The following ADGRL4 variants were observed in gnomAD, a reference collection of about 807,000 sequenced individuals.
The protein encoded by ADGRL4 is adhesion G protein-coupled receptor L4.
In ADGRL4, 90 loss-of-function variants were observed where a neutral mutation model predicts 74.8. The ratio of observed to expected loss-of-function variants is 1.20; its 90% CI spans 1.02 to 1.43. The LOEUF is 1.43. ADGRL4 is among the 40% of genes most tolerant of loss of function. The pLI is 0.00. For missense variants in ADGRL4, 881 were observed against 814.3 expected (o/e 1.08, Z -1.00); for synonymous variants, 311 against 279.2 (o/e 1.11, Z -1.14).
intron 12 of ADGRL4, among the ~76,000 whole-genome samples, chr1:78,899,602 A>C (rs1335658866): frequency 6.6e-6 from 1 of 152,130 alleles, no homozygotes; most frequent in South Asian, 2.1e-4. Context: ...CGATCTGTCC[A>C]CCTAGGTCTC....
chr1:78,911,614 AACACACACACAC>A (rs34707725), intron 12 of ADGRL4, among the ~76,000 whole-genome samples: 36 of 150,054 alleles, frequency 2.4e-4, no homozygotes, highest in African/African-American at 8.0e-4. Flanking sequence ...TCAAGATCTA[AACACACACACAC>A]ACACACACAC....
intron 3 of ADGRL4, among the ~76,000 whole-genome samples, chr1:78,943,996 AT>A (rs1649544718): frequency 6.6e-6 from 1 of 152,176 alleles, no homozygotes; most frequent in Non-Finnish European, 1.5e-5. Context: ...CACAATAGAA[AT>A]TGAGTATCAA....
At chr1:78,924,984 G>A (rs1001130207) in intron 8 of ADGRL4, among the ~76,000 whole-genome samples, 1 of 152,042 alleles carries the variant, frequency 6.6e-6, no homozygotes, top group African/African-American at 2.4e-5. Context: ...TTTGGTTGAA[G>A]ATGATACAGT....
chr1:78,968,317 T>A (rs1035714450), intron 2 of ADGRL4, among the ~76,000 whole-genome samples: 2 of 152,052 alleles, frequency 1.3e-5, no homozygotes, highest in African/African-American at 4.8e-5. Flanking sequence ...GCCAGAGGGT[T>A]TGCATAAGCT....
intron 2 of ADGRL4, among the ~76,000 whole-genome samples, chr1:78,985,546 C>G (rs1378354517): frequency 6.6e-6 from 1 of 151,758 alleles, no homozygotes; most frequent in Non-Finnish European, 1.5e-5. Context: ...TATATTTCCT[C>G]CAATGGTAAT....
intron 2 of ADGRL4, among the ~76,000 whole-genome samples, chr1:78,997,277 A>AT (rs779633736): frequency 5.3e-5 from 8 of 152,186 alleles, no homozygotes; most frequent in Non-Finnish European, 7.3e-5. Context: ...TCTTCCACAG[A>AT]TACATAAATA....
At chr1:78,892,932 A>G (rs1035058830) in intron 13 of ADGRL4, among the ~76,000 whole-genome samples, 166 bp downstream of exon 13, 1 of 151,938 alleles carries the variant, frequency 6.6e-6, no homozygotes, top group Non-Finnish European at 1.5e-5. Context: ...CAGTAATTGT[A>G]GTCTTAATAT....
At chr1:78,969,145 A>G (rs1309309626) in intron 2 of ADGRL4, among the ~76,000 whole-genome samples, 2 of 152,218 alleles carry the variant, frequency 1.3e-5, no homozygotes, top group Non-Finnish European at 2.9e-5. Flanking sequence ...AATTTGGAGC[A>G]TATTTGTCTC....
intron 2 of ADGRL4, among the ~76,000 whole-genome samples, chr1:79,000,379 T>C (rs1570281518): frequency 6.6e-6 from 1 of 152,182 alleles, no homozygotes; most frequent in East Asian, 1.9e-4. Context: ...TCCTAAAACT[T>C]AGTCTGTAAA....
At position 78,920,386 on chromosome 1, in the gene ADGRL4, C is replaced by G; in HGVS notation, c.1258G>C (p.Gly420Arg). The change falls in exon 10 of 15, where the codon GGT (glycine) becomes CGT (arginine). Residue 420 changes from glycine to arginine, a missense_variant and splice_region_variant. By Grantham distance (125) the Gly-to-Arg change is moderately radical. Coordinates refer to ENST00000370742, the MANE Select transcript of ADGRL4 (RefSeq NM_022159.4). The stretch of plus-strand genomic sequence containing the variant: ...GTAAGAATATTATAATCTTTAATAC[C>G]CTAAGGGAAAATAATAATAAAGCAG... ...AILMSSGPSI[G>R]IKDYNILTRI... 5 of 1,536,802 alleles carry G rather than the reference C, an allele frequency of 3.3e-6. No homozygotes were observed. Among genetic ancestry groups the G allele is most frequent in the Non-Finnish European group, 4.5e-6 (5 of 1,119,120 alleles).
intron 12 of ADGRL4, among the ~76,000 whole-genome samples, chr1:78,907,931 A>AT (rs1306417806): frequency 6.6e-6 from 1 of 151,940 alleles, no homozygotes; most frequent in African/African-American, 2.4e-5. Context: ...AGGAGGAATG[A>AT]TTTTTGCATC....
At chr1:78,904,534 A>G (rs1648590737) in intron 12 of ADGRL4, among the ~76,000 whole-genome samples, 2 of 152,044 alleles carry the variant, frequency 1.3e-5, no homozygotes, top group Admixed American at 1.3e-4. Flanking sequence ...AATGAAAGAC[A>G]TTTTCAAGAT....
intron 8 of ADGRL4, among the ~76,000 whole-genome samples, chr1:78,922,903 A>G (rs997878925): frequency 6.6e-6 from 1 of 152,016 alleles, no homozygotes; most frequent in African/African-American, 2.4e-5. Flanking sequence ...AAAAAGATAA[A>G]GTATCAGCTC....
intron 2 of ADGRL4, among the ~76,000 whole-genome samples, chr1:78,980,942 T>G (rs1467738017): frequency 6.6e-6 from 1 of 151,982 alleles, no homozygotes; most frequent in Admixed American, 6.6e-5. Flanking sequence ...TGATGAAGCC[T>G]GAAACTAACA....
At chr1:78,932,210 GA>G (rs537885409) in intron 7 of ADGRL4, among the ~76,000 whole-genome samples, 17 of 151,236 alleles carry the variant, frequency 1.1e-4, no homozygotes, top group Non-Finnish European at 1.9e-4. Flanking sequence ...GCAAAAAACT[GA>G]AATCATAACA....
rs868012236 is a variant in ADGRL4, at chr1:78,893,157, G to C, written c.1782C>G (p.Tyr594Ter). ...ACCCTGCAGTGTGACGAAAAACTTT[G>C]TATATGATGACTCCAAAAGCCAAGA... ...VNLLAFGVII[Y>*]KVFRHTAGLK... Residue 594 changes from tyrosine to a stop codon, truncating the protein, a stop_gained, in exon 13 of 15, where the codon TAC becomes TAG. Transcript: ENST00000370742. LOFTEE classifies it high-confidence loss of function. 13 of 1,601,984 alleles carry C rather than the reference G, an allele frequency of 8.1e-6. No individual in the cohort carries two copies. The Middle Eastern group carries it at 1.7e-3, about 205-fold the overall frequency.
chr1:78,974,801 C>A (rs773390665), intron 2 of ADGRL4, among the ~76,000 whole-genome samples: 1 of 152,270 alleles, frequency 6.6e-6, no homozygotes, highest in East Asian at 1.9e-4. Flanking sequence ...AACTCTTCTG[C>A]CTCCTCTTCC....
Position 78,893,108 on chromosome 1 carries a change from C to T in ADGRL4, c.1831G>A (p.Glu611Lys), listed in dbSNP as rs1648322724. 3 of 1,570,196 alleles carry T rather than the reference C, an allele frequency of 1.9e-6. No individual in the cohort carries two copies. The East Asian group carries it at 6.9e-5, about 36-fold the overall frequency. ...TAAAGACGCATTTACCTTATGTTCTCAAAGCAACTAACTTCTGGTTTCAAC... is the reference window on the plus strand; with the variant it reads ...TAAAGACGCATTTACCTTATGTTCTTAAAGCAACTAACTTCTGGTTTCAAC... ...AGLKPEVSCF[E>K]NIRSCARGAL... The change falls in exon 13 of 15, where the codon GAG becomes AAG. Residue 611 changes from glutamate (E) to lysine (K), a missense_variant. Transcript: ENST00000370742.
intron 1 of ADGRL4, among the ~76,000 whole-genome samples, 188 bp downstream of exon 1, chr1:79,006,445 C>T (rs1284414241): frequency 6.6e-6 from 1 of 152,152 alleles, no homozygotes; most frequent in African/African-American, 2.4e-5. Flanking sequence ...TTCCCTGGAC[C>T]TTGGAATATT....
Sources: allele counts gnomAD v4.1 joint callset (sites outside exome capture counted in the v4.1 genomes callset), GRCh38; gene constraint gnomAD v4.1.1; transcripts MANE v1.5; gene names NCBI Gene and HGNC (gene_info 2026-07-23, HGNC 2026-07-21).